The following PRMT8 variants were observed in gnomAD, a reference collection of about 807,000 sequenced individuals.
The protein encoded by PRMT8 is protein arginine N-methyltransferase 8.
PRMT8 carries 7 observed loss-of-function variants against 47.1 expected under a neutral mutation model. The ratio of observed to expected loss-of-function variants is 0.15; its 90% CI spans 0.08 to 0.28. The LOEUF (loss-of-function observed/expected upper bound fraction) is 0.28. Ranked by LOEUF, PRMT8 falls within the 10% of genes least tolerant of loss-of-function variation. PRMT8 has a pLI of 1.00. For synonymous variants in PRMT8, 188 were observed against 186.5 expected (o/e 1.01, Z -0.07); for missense variants, 237 against 505.4 (o/e 0.47, Z 5.09).
chr12:3,545,095 C>T (rs947582796), intron 2 of PRMT8, among the ~76,000 whole-genome samples: 5 of 152,222 alleles, frequency 3.3e-5, no homozygotes, highest in Admixed American at 1.3e-4. Context: ...CTAGCATTTT[C>T]GTGAAACTTA....
chr12:3,490,550 G>GGA (rs1555084801), upstream of PRMT8, among the ~76,000 whole-genome samples: 1 of 150,324 alleles, frequency 6.7e-6, no homozygotes, highest in Non-Finnish European at 1.5e-5. Context: ...CTGGAGTGGG[G>GGA]GGGGGGGCAC....
At chr12:3,511,268 GC>G (rs1045893097) in intron 1 of PRMT8, among the ~76,000 whole-genome samples, 1 of 152,184 alleles carries the variant, frequency 6.6e-6, no homozygotes, top group African/African-American at 2.4e-5. Context: ...GCCCATGGGT[GC>G]TGAATTCGTG....
chr12:3,490,974 C>A (rs912672497), upstream of PRMT8, among the ~76,000 whole-genome samples: 1 of 152,106 alleles, frequency 6.6e-6, no homozygotes, highest in Admixed American at 6.5e-5. Context: ...GAGCCTCGCC[C>A]GGCGCCGGCT....
At position 3,436,710 on chromosome 12, in the gene PRMT8, C is replaced by T. The variant is rs7135512; in HGVS notation, c.48+55268C>T. 0.098 allele frequency among the ~76,000 whole-genome samples: 14,842 copies of T among 152,148 alleles called. 1,041 individuals carry two copies. Among genetic ancestry groups the T allele is most frequent in the African/African-American group, 0.2 (8,306 of 41,460 alleles). ...GCCTGGAAATGCAAAAGCCATGAGTCGGTTAAACATCAAGGTGAAGTTATT... is the reference window on the plus strand; with the variant it reads ...GCCTGGAAATGCAAAAGCCATGAGTTGGTTAAACATCAAGGTGAAGTTATT... On this transcript the variant is annotated intron_variant, in intron 1 of 9. Transcript: ENST00000452611. This position sits in a 1 kb window ranked among gnomAD's most constrained non-coding sequence, Gnocchi z 4.2.
chr12:3,437,491 A>C (rs1193598085), intron 1 of PRMT8, among the ~76,000 whole-genome samples: 1 of 151,798 alleles, frequency 6.6e-6, no homozygotes. Context: ...GTGCTCGATA[A>C]GCAGTTTTTG....
intron 1 of PRMT8, among the ~76,000 whole-genome samples, chr12:3,516,020 C>T (rs111458219): frequency 6.6e-6 from 1 of 152,352 alleles, no homozygotes; most frequent in Non-Finnish European, 1.5e-5. Flanking sequence ...AAAGTATCCG[C>T]CAATAGTTGA....
intron 1 of PRMT8, chr12:3,381,516 C>T (rs1310544371): frequency 7.6e-6 from 11 of 1,443,074 alleles, no homozygotes; most frequent in African/African-American, 2.8e-5. Context: ...ATCTTGACCC[C>T]GTGTGGGCTG....
At chr12:3,527,059 T>C (rs1239771921) in intron 1 of PRMT8, among the ~76,000 whole-genome samples, 3 of 152,214 alleles carry the variant, frequency 2.0e-5, no homozygotes, top group African/African-American at 7.2e-5. Flanking sequence ...TTCTTTGTTA[T>C]GCTTATCTTC....
chr12:3,433,937 A>G (rs740765), intron 1 of PRMT8, among the ~76,000 whole-genome samples: 102,390 of 152,150 alleles, frequency 0.67, 38,151 homozygotes, highest in East Asian at 0.92. Context: ...TTCATGTTGC[A>G]TGAAAAAGTG....
chr12:3,568,561 A>C, intron 4 of PRMT8, 145 bp from the exon 5 acceptor site: 1 of 828,616 alleles, frequency 1.2e-6, no homozygotes, highest in Non-Finnish European at 1.9e-6. Flanking sequence ...GGTATAAACT[A>C]GTTTGGTAAA....
intron 1 of PRMT8, among the ~76,000 whole-genome samples, chr12:3,485,312 C>T (rs1362919871): frequency 6.6e-6 from 1 of 152,126 alleles, no homozygotes; most frequent in Non-Finnish European, 1.5e-5. Flanking sequence ...GGATCTTCCT[C>T]CTCAAGTGCG....
chr12:3,421,557 C>T (rs1015993000), intron 1 of PRMT8, among the ~76,000 whole-genome samples: 1 of 152,176 alleles, frequency 6.6e-6, no homozygotes, highest in Non-Finnish European at 1.5e-5. Flanking sequence ...ATAAAAGACA[C>T]GGTTTTCATA....
intron 1 of PRMT8, among the ~76,000 whole-genome samples, chr12:3,477,815 G>A (rs564856158): frequency 1.3e-5 from 2 of 152,252 alleles, no homozygotes; most frequent in South Asian, 4.2e-4. Context: ...ACTATTTTAT[G>A]AGCAAGCTTA....
intron 1 of PRMT8, among the ~76,000 whole-genome samples, chr12:3,403,269 A>T (rs1450562927): frequency 1.3e-5 from 2 of 152,158 alleles, no homozygotes; most frequent in African/African-American, 4.8e-5. Flanking sequence ...CTGAATGATG[A>T]GAACACATGG....
chr12:3,559,607 A>G (rs1866595673), intron 4 of PRMT8, among the ~76,000 whole-genome samples: 1 of 152,192 alleles, frequency 6.6e-6, no homozygotes, highest in African/African-American at 2.4e-5. Flanking sequence ...TCTCTACCAG[A>G]AAAACCAGAC....
intron 1 of PRMT8, among the ~76,000 whole-genome samples, chr12:3,474,396 A>G (rs1865189075): frequency 6.6e-6 from 1 of 151,728 alleles, no homozygotes; most frequent in Admixed American, 6.6e-5. Flanking sequence ...TTGTTCTTCC[A>G]TTTGCCTTTT....
intron 1 of PRMT8, among the ~76,000 whole-genome samples, chr12:3,423,506 C>T (rs937474007): frequency 1.3e-5 from 2 of 152,160 alleles, no homozygotes; most frequent in Non-Finnish European, 2.9e-5. Context: ...TTCCAATTTC[C>T]TATAGCTGTG....
intron 1 of PRMT8, among the ~76,000 whole-genome samples, chr12:3,458,365 C>G (rs142853207): frequency 6.6e-6 from 1 of 152,186 alleles, no homozygotes; most frequent in Admixed American, 6.5e-5. Flanking sequence ...TGCTGATGGG[C>G]ACAGAGCTGT....
chr12:3,561,529 C>T (rs1866637420), intron 4 of PRMT8, among the ~76,000 whole-genome samples: 1 of 152,180 alleles, frequency 6.6e-6, no homozygotes, highest in Non-Finnish European at 1.5e-5. Context: ...CTCCTGGGGT[C>T]ACTGCTCCCG....
Sources: gnomAD v4.1 joint callset for allele counts (sites outside exome capture counted in the v4.1 genomes callset) on GRCh38, gnomAD v4.1.1 for gene constraint, Gnocchi (gnomAD v3.1) non-coding constraint, MANE v1.5 for transcripts, NCBI Gene and HGNC (gene_info 2026-07-23, HGNC 2026-07-21) for gene names.